Variants in LIPN observed in about 807,000 individuals in gnomAD.
LIPN encodes the protein lipase family member N, also known as lipase member N.
Under a neutral mutation model 43.7 loss-of-function variants are expected in LIPN, and 32 were observed. The observed-to-expected ratio is 0.73, with a 90% CI of 0.55 to 0.98. LIPN has a LOEUF of 0.98. Among genes scored for constraint, LIPN ranks in the 50% least tolerant of loss-of-function variants. The pLI, the probability that LIPN is intolerant of heterozygous loss-of-function variation, is 0.00. For missense variants in LIPN, 505 were observed against 483.8 expected (o/e 1.04, Z -0.41); for synonymous variants, 156 against 157.6 (o/e 0.99, Z 0.08).
intron 5 of LIPN, 142 bp from the exon 6 acceptor site, chr10:88,768,650 T>G: frequency 1.6e-6 from 1 of 612,818 alleles, no homozygotes; most frequent in South Asian, 2.4e-5. Context: ...ATTATCTTTA[T>G]AGAATAACTC....
Position 88,775,160 on chromosome 10 carries a change from T to C in LIPN, c.960T>C (p.Asn320=), listed in dbSNP as rs1171351874. The C allele has an allele frequency of 1.3e-6, 2 of 1,539,348 alleles. No individual in the cohort carries two copies. Among genetic ancestry groups the C allele is most frequent in the Non-Finnish European group, 1.8e-6 (2 of 1,137,746 alleles). ...GNDADNMKHY[N]QSHPPIYDLT... is the part of the protein sequence containing the mutation. ...ACGCTGATAATATGAAACATTACAATCAGGTGAGCTATTTACAGTAACCCC... is the reference window on the plus strand; with the variant it reads ...ACGCTGATAATATGAAACATTACAACCAGGTGAGCTATTTACAGTAACCCC... The change falls in exon 9 of 10, where the codon AAT becomes AAC. Residue 320 remains asparagine (N), a synonymous_variant. Transcript: ENST00000404459.
intron 3 of LIPN, 95 bp downstream of exon 3, chr10:88,762,400 A>G: frequency 1.3e-6 from 1 of 775,656 alleles, no homozygotes; most frequent in South Asian, 1.6e-5. Context: ...GAGTTTATCA[A>G]AATTGGTTTG....
chr10:88,766,409 T>G, intron 5 of LIPN, 31 bp downstream of exon 5: 2 of 1,291,106 alleles, frequency 1.5e-6, no homozygotes, highest in Non-Finnish European at 2.3e-6. Context: ...GTTAGGTGTG[T>G]TTTTGAGGGT....
chr10:88,778,958 C>T lies in LIPN; in HGVS notation c.*716C>T, dbSNP rs1015802016. On this transcript the variant is annotated 3_prime_UTR_variant, in exon 10 of 10. Transcript: ENST00000404459. ...TAGCATGTAATGCCCCCTTTACAGG[C>T]TTTTTGTTCTTTGAGGGGTTTGAAC... 1.3e-5 allele frequency among the ~76,000 whole-genome samples: 2 copies of T among 152,068 alleles called. No homozygotes were observed. The highest frequency in any genetic ancestry group is 1.9e-4 in the East Asian group (1 of 5,188).
intron 2 of LIPN, among the ~76,000 whole-genome samples, chr10:88,761,745 AT>A (rs1843002022): frequency 1.0e-5 from 1 of 98,918 alleles, no homozygotes; most frequent in East Asian, 4.1e-4. Context: ...CTATCTATCT[AT>A]CTATCTATCT....
chr10:88,764,647 G>A (rs758253925), intron 4 of LIPN, 39 bp downstream of exon 4: 7 of 1,448,102 alleles, frequency 4.8e-6, no homozygotes, highest in Non-Finnish European at 6.6e-6. Context: ...GGAAATTGGA[G>A]GCAATTTAAA....
intron 9 of LIPN, among the ~76,000 whole-genome samples, chr10:88,777,368 T>C (rs1843312203): frequency 6.6e-6 from 1 of 152,094 alleles, no homozygotes; most frequent in Non-Finnish European, 1.5e-5. Flanking sequence ...CAGCATAGCT[T>C]TAATTTGGAC....
At chr10:88,770,026 A>G (rs933734568) in intron 6 of LIPN, among the ~76,000 whole-genome samples, 4 of 151,898 alleles carry the variant, frequency 2.6e-5, no homozygotes, top group Non-Finnish European at 5.9e-5. Flanking sequence ...CTCTTCCTAC[A>G]TAGGTCAGCT....
chr10:88,773,886 C>T (rs554457828), intron 7 of LIPN, among the ~76,000 whole-genome samples: 13 of 152,062 alleles, frequency 8.5e-5, no homozygotes, highest in Admixed American at 1.3e-4. Flanking sequence ...ATCTCTATAA[C>T]GTTTACAAAT....
intron 7 of LIPN, among the ~76,000 whole-genome samples, chr10:88,771,886 G>A (rs963983589): frequency 6.6e-6 from 1 of 151,752 alleles, no homozygotes; most frequent in Non-Finnish European, 1.5e-5. Context: ...CTGTGCAAGA[G>A]TTCTCTTTTC....
At chr10:88,765,073 C>A (rs1006758669) in intron 4 of LIPN, among the ~76,000 whole-genome samples, 2 of 151,940 alleles carry the variant, frequency 1.3e-5, no homozygotes, top group East Asian at 3.9e-4. Flanking sequence ...TGATTTGGAC[C>A]AGGACCTTAT....
At chr10:88,768,746 G>C (rs780242924) in intron 5 of LIPN, 46 bp from the exon 6 acceptor site, 1 of 1,551,764 alleles carries the variant, frequency 6.4e-7, no homozygotes. Flanking sequence ...GAAACACTGC[G>C]TAAGTATTTA....
chr10:88,760,022 T>G lies in LIPN; in HGVS notation c.-93T>G, dbSNP rs1176846124. On this transcript the variant is annotated 5_prime_UTR_variant, in exon 1 of 10. Coordinates refer to ENST00000404459, the MANE Select transcript of LIPN (RefSeq NM_001102469.2). ...AACTGTCACTGTAATCATCTCTTAC[T>G]CTTCAGCCTGATGTCAAAAGCAAAA... Among the ~76,000 whole-genome samples the G allele has an allele frequency of 6.6e-6, 1 of 152,096 alleles. No individual in the cohort carries two copies. Among genetic ancestry groups the G allele is most frequent in the Non-Finnish European group, 1.5e-5 (1 of 67,996 alleles).
At chr10:88,775,212 T>A (rs1564585577) in intron 9 of LIPN, 49 bp downstream of exon 9, 3 of 1,324,308 alleles carry the variant, frequency 2.3e-6, no homozygotes, top group Non-Finnish European at 3.1e-6. Flanking sequence ...TAAATTATAA[T>A]AAAAAATTAT....
Position 88,770,839 on chromosome 10 carries a change from T to C in LIPN, c.673-6T>C, listed in dbSNP as rs756472181. ...ATTCAAAGATAATTATTATTTACTT[T>C]CATAGGCTGTTTTTGGTACCAAAGG... On this transcript the variant is annotated splice_polypyrimidine_tract_variant and splice_region_variant and intron_variant, in intron 6 of 9. Coordinates refer to ENST00000404459, the MANE Select transcript of LIPN (RefSeq NM_001102469.2). The C allele has an allele frequency of 6.8e-7, 1 of 1,471,740 alleles. No homozygotes were observed. The highest frequency in any genetic ancestry group is 1.3e-5 in the South Asian group (1 of 79,142). The allele number at this position is 1,471,740 out of a possible 1,614,324, so 91.2% of individuals were successfully genotyped here. A position where few individuals can be genotyped will look rare whatever the true frequency, so the allele number is the denominator to read the frequency against.
chr10:88,768,015 TACACACACACACACACACACAC>T (rs60861050), intron 5 of LIPN, among the ~76,000 whole-genome samples: 3 of 140,980 alleles, frequency 2.1e-5, no homozygotes, highest in African/African-American at 5.2e-5. Context: ...AGTGTTTCAG[TACACACACACACACACACACAC>T]ACACACACAC....
rs757127265 is a variant in LIPN, at chr10:88,778,074, T to C, written c.1029T>C (p.His343=). 2 of 1,613,532 alleles carry C rather than the reference T, an allele frequency of 1.2e-6. No individual in the cohort carries two copies. Among genetic ancestry groups the C allele is most frequent in the South Asian group, 2.2e-5 (2 of 91,074 alleles). ...KVPTAIWAGG[H]DVLVTPQDVA... Reference sequence around the variant, plus strand: ...CTACTGCTATTTGGGCTGGTGGACATGATGTCCTCGTAACACCCCAGGATG... The same window carrying C: ...CTACTGCTATTTGGGCTGGTGGACACGATGTCCTCGTAACACCCCAGGATG... Residue 343 remains histidine (H), a synonymous_variant, in exon 10 of 10, where the codon CAT becomes CAC. Coordinates refer to ENST00000404459, the MANE Select transcript of LIPN (RefSeq NM_001102469.2).
chr10:88,770,899 T>C lies in LIPN; in HGVS notation c.727T>C (p.Ser243Pro). 6.5e-7 allele frequency: 1 copy of C among 1,545,724 alleles called. No individual in the cohort carries two copies. The highest frequency in any genetic ancestry group is 1.2e-5 in the South Asian group (1 of 83,516). ...FLEDKKTKIA[S>P]TKICNNKILW... The stretch of plus-strand genomic sequence containing the variant: ...AGAAGATAAGAAAACGAAGATAGCT[T>C]CTACCAAAATCTGCAACAATAAGAT... The change falls in exon 7 of 10, where the codon TCT (serine) becomes CCT (proline). Residue 243 changes from serine to proline, a missense_variant. Coordinates refer to ENST00000404459, the MANE Select transcript of LIPN (RefSeq NM_001102469.2).
upstream of LIPN, among the ~76,000 whole-genome samples, chr10:88,759,622 C>T (rs142337694): frequency 1.3e-4 from 20 of 152,194 alleles, no homozygotes; most frequent in African/African-American, 2.9e-4. Context: ...GTTACAGTCA[C>T]GCACATCCCT....
Sources: gnomAD v4.1 joint callset for allele counts (sites outside exome capture counted in the v4.1 genomes callset) on GRCh38, gnomAD v4.1.1 for gene constraint, MANE v1.5 for transcripts, NCBI Gene and HGNC (gene_info 2026-07-23, HGNC 2026-07-21) for gene names.